CALN1: variants seen among roughly 807,000 people sequenced by gnomAD.
CALN1 encodes calneuron 1.
CALN1 carries 17 observed loss-of-function variants against 30.6 expected under a neutral mutation model. The observed-to-expected ratio is 0.56, with a 90% confidence interval of 0.38 to 0.83. The LOEUF is 0.83. Among genes scored for constraint, CALN1 ranks in the 40% least tolerant of loss-of-function variants. CALN1 has a pLI of 0.00. For synonymous variants in CALN1, 156 were observed against 131.4 expected (o/e 1.19, Z -1.28); for missense variants, 291 against 354.9 (o/e 0.82, Z 1.45).
At chr7:71,881,619 T>A (rs1792572326) in intron 5 of CALN1, among the ~76,000 whole-genome samples, 1 of 152,106 alleles carries the variant, frequency 6.6e-6, no homozygotes, top group African/African-American at 2.4e-5. Flanking sequence ...AAGGCATTGA[T>A]TCACGCTCCG....
At chr7:72,355,566 C>T (rs945998707) in intron 2 of CALN1, among the ~76,000 whole-genome samples, 1 of 151,962 alleles carries the variant, frequency 6.6e-6, no homozygotes, top group African/African-American at 2.4e-5. Flanking sequence ...AACAGAAAGC[C>T]CAAGTCATAA....
rs540170687 is a variant in CALN1, at chr7:71,780,687, A to G, written c.*7088T>C. 1 of 152,098 alleles carries G rather than the reference A, an allele frequency of 6.6e-6. No homozygotes were observed. The highest frequency in any genetic ancestry group is 1.9e-4 in the East Asian group (1 of 5,170). 9.4% of individuals were successfully genotyped at this position (152,098 alleles called of 1,614,324 possible). The stretch of plus-strand genomic sequence containing the variant: ...ATCAACATATACTGGAAGTGCTGTT[A>G]TAGTGGCCAGAAAAAAAAAAAAGCA... On this transcript the variant is annotated 3_prime_UTR_variant, in exon 7 of 7. Coordinates refer to ENST00000395275, the MANE Select transcript of CALN1 (RefSeq NM_031468.4).
intron 2 of CALN1, among the ~76,000 whole-genome samples, chr7:72,395,977 T>C (rs1436841409): frequency 1.3e-5 from 2 of 151,964 alleles, no homozygotes; most frequent in African/African-American, 4.8e-5. Context: ...ATTTTGACGT[T>C]GAGCTAAATT....
chr7:71,995,321 G>A (rs1035727841), intron 5 of CALN1, among the ~76,000 whole-genome samples: 2 of 152,172 alleles, frequency 1.3e-5, no homozygotes, highest in African/African-American at 4.8e-5. Flanking sequence ...TCATTCACCC[G>A]TGCAAGCTTT....
chr7:72,251,553 C>G (rs1013171794), intron 3 of CALN1, among the ~76,000 whole-genome samples: 10 of 152,206 alleles, frequency 6.6e-5, no homozygotes, highest in African/African-American at 2.4e-4. Flanking sequence ...GTACACATCA[C>G]CATGCCCGGC....
the CALN1 span, among the ~76,000 whole-genome samples, chr7:72,489,656 T>C: frequency 2.0e-5 from 3 of 152,190 alleles, no homozygotes; most frequent in Non-Finnish European, 4.4e-5. Flanking sequence ...GGAGTGGGTA[T>C]GAAGGTTGGC....
At chr7:72,464,094 AAGAAAGAG>A in the CALN1 span, among the ~76,000 whole-genome samples, 155 of 152,020 alleles carry the variant, frequency 1.0e-3, no homozygotes, top group African/African-American at 3.5e-3. Flanking sequence ...GAAAGAAAGA[AAGAAAGAG>A]AGAGAAGAAA....
intron 5 of CALN1, among the ~76,000 whole-genome samples, chr7:71,839,025 G>A (rs1789780652): frequency 6.6e-6 from 1 of 151,924 alleles, no homozygotes; most frequent in South Asian, 2.1e-4. Context: ...GCTCAGGCTG[G>A]TCTCAAACTC....
intron 5 of CALN1, among the ~76,000 whole-genome samples, chr7:71,947,437 T>C (rs1736055131): frequency 6.6e-6 from 1 of 152,192 alleles, no homozygotes; most frequent in South Asian, 2.1e-4. Context: ...ACAATGAAGA[T>C]ATGATACTGA....
At chr7:72,414,207 A>G (rs1166742518), upstream of CALN1, among the ~76,000 whole-genome samples, 1 of 152,160 alleles carries the variant, frequency 6.6e-6, no homozygotes, top group Non-Finnish European at 1.5e-5. Context: ...CTGGAGCCAG[A>G]GGCCCATGGG....
chr7:72,473,154 T>C, the CALN1 span, among the ~76,000 whole-genome samples: 1 of 151,866 alleles, frequency 6.6e-6, no homozygotes, highest in Non-Finnish European at 1.5e-5. Flanking sequence ...TCTCACTATG[T>C]TGCCTAGGCT....
intron 2 of CALN1, among the ~76,000 whole-genome samples, chr7:72,305,711 C>G (rs1376402072): frequency 6.6e-6 from 1 of 152,174 alleles, no homozygotes; most frequent in African/African-American, 2.4e-5. Flanking sequence ...TTAGTTTGCT[C>G]AGGTTACCGT....
At chr7:71,802,700 A>G (rs1787377960) in intron 6 of CALN1, among the ~76,000 whole-genome samples, 1 of 152,202 alleles carries the variant, frequency 6.6e-6, no homozygotes, top group South Asian at 2.1e-4. Flanking sequence ...TTTCCAAAAA[A>G]TTAGGACGCA....
At chr7:72,016,605 T>C (rs990521602) in intron 5 of CALN1, among the ~76,000 whole-genome samples, 5 of 151,666 alleles carry the variant, frequency 3.3e-5, no homozygotes, top group African/African-American at 1.2e-4. Context: ...CCTCGCTAAT[T>C]TTTGAATTTT....
intron 5 of CALN1, among the ~76,000 whole-genome samples, chr7:71,818,032 T>A (rs1360422685): frequency 6.6e-6 from 1 of 152,044 alleles, no homozygotes; most frequent in Non-Finnish European, 1.5e-5. Flanking sequence ...ATCCAACAAA[T>A]GGTTATTGGG....
At chr7:72,279,612 G>C (rs1339385339) in intron 2 of CALN1, among the ~76,000 whole-genome samples, 1 of 152,188 alleles carries the variant, frequency 6.6e-6, no homozygotes. Context: ...AGGCTGACTG[G>C]AGGCTCCAGG....
At chr7:72,434,864 T>C (rs1808097500) in intron 1 of CALN1, among the ~76,000 whole-genome samples, 1 of 152,260 alleles carries the variant, frequency 6.6e-6, no homozygotes, top group South Asian at 2.1e-4. Context: ...AGTTCCTTGC[T>C]GATGAAGCAA....
chr7:71,943,805 G>A lies in CALN1; in HGVS notation c.501+79852C>T, dbSNP rs537795678. ...GAAGAGAATGTGTATAAAAGTGCTT[G>A]GAACAGGACCTTGGAAAATTAAATT... On this transcript the variant is annotated intron_variant, in intron 5 of 6. Transcript: ENST00000395275. Among the ~76,000 whole-genome samples, 4 of 152,186 alleles carry A rather than the reference G, an allele frequency of 2.6e-5. No homozygotes were observed. The East Asian group carries it at 7.7e-4, about 29-fold the overall frequency.
At chr7:72,382,884 G>GT (rs1804990670) in intron 2 of CALN1, among the ~76,000 whole-genome samples, 2 of 152,128 alleles carry the variant, frequency 1.3e-5, no homozygotes, top group Admixed American at 1.3e-4. Flanking sequence ...CACCTCCCGG[G>GT]TTCAAGCAAT....
Sources: gnomAD v4.1 joint callset for allele counts (sites outside exome capture counted in the v4.1 genomes callset) on GRCh38, gnomAD v4.1.1 for gene constraint, MANE v1.5 for transcripts, NCBI Gene and HGNC (gene_info 2026-07-23, HGNC 2026-07-21) for gene names.